Variants in HADHA observed in about 807,000 individuals in gnomAD.
The protein encoded by HADHA is trifunctional enzyme subunit alpha, mitochondrial.
Under a neutral mutation model 91.3 loss-of-function variants are expected in HADHA, and 59 were observed. The observed-to-expected ratio is 0.65, with a 90% CI of 0.52 to 0.80. HADHA has a LOEUF of 0.80. HADHA is among the 30% of genes least tolerant of loss of function. HADHA has a pLI of 0.00. For missense variants in HADHA, 800 were observed against 927.6 expected (o/e 0.86, Z 1.79); for synonymous variants, 320 against 338.9 (o/e 0.94, Z 0.61).
At chr2:26,238,525 C>T (rs1670815951) in intron 3 of HADHA, among the ~76,000 whole-genome samples, 1 of 152,166 alleles carries the variant, frequency 6.6e-6, no homozygotes, top group South Asian at 2.1e-4. Context: ...AGCCAAGTAT[C>T]CACATTTCAC....
chr2:26,236,816 A>G (rs1327060086), intron 4 of HADHA, 39 bp downstream of exon 4: 5 of 1,521,220 alleles, frequency 3.3e-6, no homozygotes, highest in Non-Finnish European at 4.6e-6. Context: ...CACACTATTA[A>G]CCAAGATAAA....
At chr2:26,236,756 C>T in intron 4 of HADHA, 99 bp downstream of exon 4, 2 of 937,824 alleles carry the variant, frequency 2.1e-6, no homozygotes, top group Admixed American at 1.8e-5. Context: ...TGTCACTGTG[C>T]CCAGCACTTC....
rs940818355 is a variant in HADHA, at chr2:26,210,013, G to A, written c.976-124C>T. The A allele has an allele frequency of 5.0e-5, 36 of 715,148 alleles. No individual in the cohort carries two copies. Among genetic ancestry groups the A allele is most frequent in the East Asian group, 3.1e-4 (12 of 38,416 alleles). 44.3% of individuals were successfully genotyped at this position (715,148 alleles called of 1,614,324 possible). A position where few individuals can be genotyped will look rare whatever the true frequency, so the allele number is the denominator to read the frequency against. The stretch of plus-strand genomic sequence containing the variant: ...GTGAAGCCTGAGTCCCTGGGGATGC[G>A]GGGGAGTTTGGGGGTTCAGTGCTGC... On this transcript the variant is annotated intron_variant, in intron 10 of 19. Transcript: ENST00000380649. This position sits in a 1 kb window ranked among gnomAD's most constrained non-coding sequence, Gnocchi z 4.0.
At chr2:26,240,093 C>T (rs573707341) in intron 1 of HADHA, among the ~76,000 whole-genome samples, 1 of 152,324 alleles carries the variant, frequency 6.6e-6, no homozygotes, top group East Asian at 1.9e-4. Flanking sequence ...ACCTCATCTT[C>T]GGATTCTGTC....
chr2:26,237,116 T>A, intron 3 of HADHA, 128 bp from the exon 4 acceptor site: 1 of 784,608 alleles, frequency 1.3e-6, no homozygotes, highest in Non-Finnish European at 2.2e-6. Context: ...TAGAAGAGAG[T>A]AAGAAATATC....
At chr2:26,233,684 T>C (rs1670679999) in intron 5 of HADHA, among the ~76,000 whole-genome samples, 1 of 152,236 alleles carries the variant, frequency 6.6e-6, no homozygotes, top group Non-Finnish European at 1.5e-5. Context: ...ACATTAGAGA[T>C]GCAGTTCAAA....
At position 26,214,535 on chromosome 2, in the gene HADHA, G is replaced by A. The variant is rs1308038961; in HGVS notation, c.826C>T (p.Pro276Ser). Reference protein sequence around the residue: ...EKLTAYAMTIPFVRQQVYKKV... With the variant: ...EKLTAYAMTISFVRQQVYKKV... ...TTGTAAACCTGTTGCCTGACAAATG[G>A]AATAGTCATGGCATACGCTGTCAAT... Residue 276 changes from proline (P) to serine (S), a missense_variant, in exon 9 of 20, where the codon CCA becomes TCA. Pro to Ser is a moderately conservative substitution (Grantham distance 74, BLOSUM62 -1). Coordinates refer to ENST00000380649, the MANE Select transcript of HADHA (RefSeq NM_000182.5). The surrounding 1 kb of genome is among the most constrained non-coding windows in gnomAD (Gnocchi z 4.1). 2 of 1,598,674 alleles carry A rather than the reference G, an allele frequency of 1.3e-6. No homozygotes were observed. Among genetic ancestry groups the A allele is most frequent in the Non-Finnish European group, 1.7e-6 (2 of 1,166,116 alleles).
intron 3 of HADHA, among the ~76,000 whole-genome samples, chr2:26,238,207 T>C (rs111733220): frequency 6.4e-4 from 98 of 152,310 alleles, no homozygotes; most frequent in African/African-American, 2.2e-3. Context: ...GGTCTTGCTA[T>C]GTTGCCCAGG....
At chr2:26,218,708 A>G (rs994988308) in intron 7 of HADHA, among the ~76,000 whole-genome samples, 1 of 152,030 alleles carries the variant, frequency 6.6e-6, no homozygotes, top group Non-Finnish European at 1.5e-5. Context: ...CCACAGGAAA[A>G]TATTATCAAT....
At chr2:26,234,462 T>A in intron 4 of HADHA, 107 bp from the exon 5 acceptor site, 5 of 947,786 alleles carry the variant, frequency 5.3e-6, no homozygotes, top group East Asian at 2.5e-5. Flanking sequence ...CAATATTTGA[T>A]GACAAATCTT....
chr2:26,243,871 C>A (rs769805980), intron 1 of HADHA, among the ~76,000 whole-genome samples: 8 of 152,196 alleles, frequency 5.3e-5, no homozygotes, highest in East Asian at 1.9e-4. Flanking sequence ...TCAGAACGAT[C>A]TAACATTTTA....
chr2:26,244,484 C>T (rs1280480049), intron 1 of HADHA, 46 bp downstream of exon 1: 9 of 1,546,108 alleles, frequency 5.8e-6, no homozygotes, highest in Non-Finnish European at 7.9e-6. Flanking sequence ...CCAGTCCCGG[C>T]AGGAGTTCTG....
intron 12 of HADHA, among the ~76,000 whole-genome samples, chr2:26,202,704 G>A (rs1221642398): frequency 6.6e-6 from 1 of 152,206 alleles, no homozygotes; most frequent in Non-Finnish European, 1.5e-5. Flanking sequence ...TTGCACCATT[G>A]TGCTCTAGCC....
In HADHA at chr2:26,191,213, G is replaced by GGGTT; in HGVS notation, c.*33_*36dup. On this transcript the variant is annotated 3_prime_UTR_variant, in exon 20 of 20. Coordinates refer to ENST00000380649, the MANE Select transcript of HADHA (RefSeq NM_000182.5). ...GGAGAACCAGCACTGCCGGCAGCTG[G>GGGTT]GGTTAGTGCACTGACTGAGCGAGGC... 1 of 1,602,872 alleles carries GGGTT rather than the reference G, an allele frequency of 6.2e-7. No homozygotes were observed. The highest frequency in any genetic ancestry group is 8.5e-7 in the Non-Finnish European group (1 of 1,171,482).
At chr2:26,195,522 T>C (rs946464685) in intron 14 of HADHA, among the ~76,000 whole-genome samples, 3 of 149,910 alleles carry the variant, frequency 2.0e-5, no homozygotes, top group Admixed American at 6.8e-5. Flanking sequence ...ACTAGATTTA[T>C]TGGGGAACGA....
intron 11 of HADHA, among the ~76,000 whole-genome samples, chr2:26,208,554 T>C (rs983616468): frequency 6.6e-6 from 1 of 152,052 alleles, no homozygotes; most frequent in East Asian, 1.9e-4. Context: ...TGGGGAGGGG[T>C]AGAAGTTGGT....
At chr2:26,242,295 T>C (rs1426361067) in intron 1 of HADHA, among the ~76,000 whole-genome samples, 3 of 152,252 alleles carry the variant, frequency 2.0e-5, no homozygotes, top group Non-Finnish European at 4.4e-5. Flanking sequence ...TGAGTCTAAA[T>C]AGTAATATAA....
At position 26,195,154 on chromosome 2, in the gene HADHA, C is replaced by G; in HGVS notation, c.1558G>C (p.Asp520His). ...EIITTEKTSK[D>H]TSASAVAVGL... ...ACTGCTACAGCTGAAGCACTGGTGT[C>G]TTTGGAAGTTTTCTCGGTCGTGATA... Residue 520 changes from aspartate (D) to histidine (H), a missense_variant, in exon 15 of 20, where the codon GAC becomes CAC. Coordinates refer to ENST00000380649, the MANE Select transcript of HADHA (RefSeq NM_000182.5). The G allele has an allele frequency of 6.2e-7, 1 of 1,612,874 alleles. No individual in the cohort carries two copies. Among genetic ancestry groups the G allele is most frequent in the Non-Finnish European group, 8.5e-7 (1 of 1,178,992 alleles).
chr2:26,193,802 G>A, intron 16 of HADHA, 30 bp from the exon 17 acceptor site: 3 of 1,586,454 alleles, frequency 1.9e-6, no homozygotes, highest in Non-Finnish European at 2.6e-6. Context: ...GGGACCTCAG[G>A]GGAAGGGCAG....
Sources: gnomAD v4.1 joint callset for allele counts (sites outside exome capture counted in the v4.1 genomes callset) on GRCh38, gnomAD v4.1.1 for gene constraint, Gnocchi (gnomAD v3.1) non-coding constraint, MANE v1.5 for transcripts, NCBI Gene and HGNC (gene_info 2026-07-23, HGNC 2026-07-21) for gene names.